The following ST6GALNAC5 variants were observed in gnomAD, a reference collection of about 807,000 sequenced individuals.
ST6GALNAC5 encodes ST6 N-acetylgalactosaminide alpha-2,6-sialyltransferase 5.
In ST6GALNAC5, 27 loss-of-function variants were observed where a neutral mutation model predicts 33.6. That is an observed-to-expected ratio of 0.80 (90% confidence interval 0.59 to 1.11). The LOEUF is 1.11. Among genes scored for constraint, ST6GALNAC5 ranks in the 50% least tolerant of loss-of-function variants. The pLI is 0.00. For synonymous variants in ST6GALNAC5, 194 were observed against 171.2 expected, an observed-to-expected ratio of 1.13 and a Z score of -1.04; for missense variants, 428 against 454.0, an observed-to-expected ratio of 0.94 and a Z score of 0.52.
chr1:77,063,037 C>T lies in ST6GALNAC5; in HGVS notation c.842C>T (p.Thr281Ile), dbSNP rs765170858. The change falls in exon 5 of 5, where the codon ACA becomes ATA. Residue 281 changes from threonine (T) to isoleucine (I), a missense_variant. Physicochemically the swap from Thr to Ile is moderately conservative, Grantham distance 89. Coordinates refer to ENST00000477717, the MANE Select transcript of ST6GALNAC5 (RefSeq NM_030965.3). ...GAACCTTTTGGACCTGATGAATGTA[C>T]AATGTACCTCTCCCATGAGCGAGGA... ...YYEPFGPDEC[T>I]MYLSHERGRK... 13 of 1,613,796 alleles carry T rather than the reference C, an allele frequency of 8.1e-6. No individual in the cohort carries two copies. The African/African-American group carries it at 1.5e-4, about 18-fold the overall frequency.
chr1:76,939,088 A>G (rs1647264307), intron 2 of ST6GALNAC5, among the ~76,000 whole-genome samples: 1 of 151,990 alleles, frequency 6.6e-6, no homozygotes, highest in Non-Finnish European at 1.5e-5. Flanking sequence ...CTGGGTGGTT[A>G]TGGCTTCAGC....
intron 2 of ST6GALNAC5, among the ~76,000 whole-genome samples, chr1:76,897,539 G>A (rs147131810): frequency 0.017 from 2,626 of 152,026 alleles, 79 homozygotes; most frequent in African/African-American, 0.059. Flanking sequence ...GGTAAAGGTG[G>A]TTAGGTTTTA....
intron 2 of ST6GALNAC5, among the ~76,000 whole-genome samples, chr1:76,924,598 A>T (rs1196913538): frequency 6.6e-6 from 1 of 152,132 alleles, no homozygotes; most frequent in Non-Finnish European, 1.5e-5. Context: ...ATTAGTTCAA[A>T]TGTGTTTCTT....
chr1:76,868,393 A>C lies in ST6GALNAC5; in HGVS notation c.16-104A>C. ...GGGGCTGGGGCCCAGGCCGCCCCAA[A>C]TCTCCCCCACTAGAGTGACCACCGC... On this transcript the variant is annotated intron_variant, in intron 1 of 4. Transcript: ENST00000477717. The surrounding 1 kb of genome is among the most constrained non-coding windows in gnomAD (Gnocchi z 4.3). 6.9e-7 allele frequency: 1 copy of C among 1,454,548 alleles called. No individual in the cohort carries two copies. The highest frequency in any genetic ancestry group is 9.1e-7 in the Non-Finnish European group (1 of 1,100,294). 90.1% of individuals were successfully genotyped at this position (1,454,548 alleles called of 1,614,324 possible).
chr1:76,943,576 A>G (rs947571456), intron 2 of ST6GALNAC5, among the ~76,000 whole-genome samples: 9 of 152,198 alleles, frequency 5.9e-5, no homozygotes, highest in African/African-American at 2.2e-4. Flanking sequence ...CACCCTCTCC[A>G]AACAAGCCTC....
intron 2 of ST6GALNAC5, among the ~76,000 whole-genome samples, chr1:77,041,998 T>G (rs1398239787): frequency 6.6e-6 from 1 of 152,188 alleles, no homozygotes; most frequent in Non-Finnish European, 1.5e-5. Context: ...GTTGGCATCA[T>G]GGTGAATCCC....
chr1:76,869,684 G>A (rs1653453091), intron 2 of ST6GALNAC5, among the ~76,000 whole-genome samples: 1 of 152,110 alleles, frequency 6.6e-6, no homozygotes, highest in Non-Finnish European at 1.5e-5. Flanking sequence ...TGTGTGCAAA[G>A]GTCACTCTAA....
chr1:76,898,829 AAT>A (rs886698429), intron 2 of ST6GALNAC5, among the ~76,000 whole-genome samples: 3 of 152,116 alleles, frequency 2.0e-5, no homozygotes, highest in Non-Finnish European at 4.4e-5. Flanking sequence ...CCTGAGGAAG[AAT>A]TCGGACCTAG....
At position 77,016,143 on chromosome 1, in the gene ST6GALNAC5, C is replaced by CCCT. The variant is rs1553173438; in HGVS notation, c.262-28057_262-28055dup. On this transcript the variant is annotated intron_variant, in intron 2 of 4. Transcript: ENST00000477717. ...CTCCTCCTCCTGTATCTCCTCCCTC[C>CCCT]CCTCCTGTATCTTCCCCTCCTCCTC... Among the ~76,000 whole-genome samples, 46 of 96,308 alleles carry CCCT rather than the reference C, an allele frequency of 4.8e-4. 9 individuals are homozygous for CCCT. Among genetic ancestry groups the CCCT allele is most frequent in the Non-Finnish European group, 8.2e-4 (38 of 46,494 alleles). 63.2% of individuals were successfully genotyped at this position (96,308 alleles called of 152,430 possible). A position where few individuals can be genotyped will look rare whatever the true frequency, so the allele number is the denominator to read the frequency against.
intron 2 of ST6GALNAC5, among the ~76,000 whole-genome samples, chr1:76,935,188 A>AGG (rs1476035245): frequency 6.6e-6 from 1 of 152,118 alleles, no homozygotes. Flanking sequence ...AAAATGGACT[A>AGG]CTATAAATCC....
At chr1:76,877,848 T>C (rs1019075874) in intron 2 of ST6GALNAC5, among the ~76,000 whole-genome samples, 1 of 152,248 alleles carries the variant, frequency 6.6e-6, no homozygotes, top group South Asian at 2.1e-4. Flanking sequence ...TTCCTGGCCT[T>C]GCCAGCTGAA....
At chr1:76,961,014 G>A (rs1648213975) in intron 2 of ST6GALNAC5, among the ~76,000 whole-genome samples, 4 of 152,176 alleles carry the variant, frequency 2.6e-5, no homozygotes, top group Non-Finnish European at 2.9e-5. Context: ...AATCACAAGG[G>A]TATTGATTGG....
intron 2 of ST6GALNAC5, among the ~76,000 whole-genome samples, chr1:76,928,615 A>T (rs1647107857): frequency 6.6e-6 from 1 of 152,098 alleles, no homozygotes; most frequent in Non-Finnish European, 1.5e-5. Flanking sequence ...TGAGTTGGGT[A>T]CGTATTTGGA....
At chr1:76,940,137 A>G (rs1042579885) in intron 2 of ST6GALNAC5, among the ~76,000 whole-genome samples, 4 of 148,268 alleles carry the variant, frequency 2.7e-5, no homozygotes, top group African/African-American at 2.5e-5. Flanking sequence ...TTTAATTATG[A>G]GTGTTTAATA....
intron 2 of ST6GALNAC5, among the ~76,000 whole-genome samples, chr1:76,956,830 G>A (rs771493899): frequency 6.6e-6 from 1 of 152,142 alleles, no homozygotes; most frequent in Non-Finnish European, 1.5e-5. Flanking sequence ...GGGGAGGAGG[G>A]AGGGAAATGA....
chr1:76,967,647 G>T (rs1335921441), intron 2 of ST6GALNAC5, among the ~76,000 whole-genome samples: 1 of 152,086 alleles, frequency 6.6e-6, no homozygotes, highest in Admixed American at 6.6e-5. Context: ...GTTTGCTCTT[G>T]CTTCACTGGT....
chr1:76,898,432 T>C (rs1269858000), intron 2 of ST6GALNAC5, among the ~76,000 whole-genome samples: 2 of 152,166 alleles, frequency 1.3e-5, no homozygotes, highest in East Asian at 3.9e-4. Context: ...TTAAGTCCTG[T>C]TGTGGGGTTT....
intron 2 of ST6GALNAC5, among the ~76,000 whole-genome samples, chr1:76,953,041 A>T (rs1167988392): frequency 6.6e-6 from 1 of 152,156 alleles, no homozygotes; most frequent in Non-Finnish European, 1.5e-5. Context: ...TCTGAGTAGT[A>T]TTCCATTGTG....
intron 2 of ST6GALNAC5, among the ~76,000 whole-genome samples, chr1:76,929,374 T>C (rs944182625): frequency 2.0e-5 from 3 of 152,012 alleles, no homozygotes; most frequent in African/African-American, 7.2e-5. Context: ...GACCTGTTAC[T>C]ATAAAACATT....
Sources: gnomAD v4.1 joint callset for allele counts (sites outside exome capture counted in the v4.1 genomes callset) on GRCh38, gnomAD v4.1.1 for gene constraint, Gnocchi (gnomAD v3.1) non-coding constraint, MANE v1.5 for transcripts, NCBI Gene and HGNC (gene_info 2026-07-23, HGNC 2026-07-21) for gene names.